The following HECW1 variants were observed in gnomAD, a reference collection of about 807,000 sequenced individuals.
HECW1 encodes HECT, C2 and WW domain containing E3 ubiquitin protein ligase 1.
Under a neutral mutation model 182.3 loss-of-function variants are expected in HECW1, and 61 were observed. The observed-to-expected ratio is 0.33, with a 90% CI of 0.27 to 0.41. HECW1 has a LOEUF of 0.41. Among genes scored for constraint, HECW1 ranks in the 10% least tolerant of loss-of-function variants. The pLI, the probability that HECW1 is intolerant of heterozygous loss-of-function variation, is 1.00. For missense variants in HECW1, 1,739 were observed against 2,108.9 expected, an observed-to-expected ratio of 0.82 and a Z score of 3.44; for synonymous variants, 859 against 832.6, an observed-to-expected ratio of 1.03 and a Z score of -0.55.
intron 8 of HECW1, among the ~76,000 whole-genome samples, chr7:43,435,072 T>G (rs2076668656): frequency 6.6e-6 from 1 of 151,824 alleles, no homozygotes; most frequent in Non-Finnish European, 1.5e-5. Context: ...ATTTGTCCTG[T>G]TTGTGTTACT....
chr7:43,542,055 C>T (rs2081380190), intron 26 of HECW1, 57 bp downstream of exon 26: 1 of 1,383,816 alleles, frequency 7.2e-7, no homozygotes, highest in Non-Finnish European at 9.5e-7. Flanking sequence ...GGAAAATGCA[C>T]ATAACATAAA....
chr7:43,429,313 T>TAC (rs2076463630), intron 8 of HECW1, among the ~76,000 whole-genome samples: 2 of 127,788 alleles, frequency 1.6e-5, no homozygotes, highest in African/African-American at 3.5e-5. Flanking sequence ...TATATATATA[T>TAC]ATATATATAT....
intron 6 of HECW1, among the ~76,000 whole-genome samples, chr7:43,364,714 G>A (rs1238685329): frequency 6.6e-6 from 1 of 152,198 alleles, no homozygotes; most frequent in Non-Finnish European, 1.5e-5. Flanking sequence ...AGTTGTCTTA[G>A]GTTTAAAGAA....
At chr7:43,360,037 A>G (rs1263293597) in intron 5 of HECW1, among the ~76,000 whole-genome samples, 1 of 152,168 alleles carries the variant, frequency 6.6e-6, no homozygotes, top group Non-Finnish European at 1.5e-5. Flanking sequence ...TTTACTGAGC[A>G]CTTAATTGAA....
chr7:43,486,755 A>G (rs186623837), intron 17 of HECW1, among the ~76,000 whole-genome samples: 23 of 152,336 alleles, frequency 1.5e-4, no homozygotes, highest in Admixed American at 1.5e-3. Context: ...ACATCACTGT[A>G]TGAACAATAT....
intron 24 of HECW1, among the ~76,000 whole-genome samples, chr7:43,529,957 A>ATT (rs143618590): frequency 2.4e-4 from 35 of 148,222 alleles, no homozygotes; most frequent in Admixed American, 3.4e-4. Context: ...ATTTTTATTT[A>ATT]TTTTTTTTTT....
chr7:43,477,754 A>G (rs146324475), intron 16 of HECW1, among the ~76,000 whole-genome samples: 1 of 152,314 alleles, frequency 6.6e-6, no homozygotes, highest in East Asian at 1.9e-4. Flanking sequence ...CACTTCCTGT[A>G]TGAGTTTTTA....
At chr7:43,226,599 C>A (rs77500146) in intron 2 of HECW1, among the ~76,000 whole-genome samples, 233 of 152,250 alleles carry the variant, frequency 1.5e-3, no homozygotes, top group African/African-American at 5.4e-3. Flanking sequence ...CAGACCAAAC[C>A]ATTAGGGTCT....
chr7:43,561,666 C>G, intron 29 of HECW1, 149 bp from the exon 30 acceptor site: 1 of 593,580 alleles, frequency 1.7e-6, no homozygotes, highest in South Asian at 2.1e-5. Context: ...GAATGTGGCT[C>G]TTTAGTGTGC....
At chr7:43,144,187 T>C (rs572027999) in intron 2 of HECW1, among the ~76,000 whole-genome samples, 1 of 152,330 alleles carries the variant, frequency 6.6e-6, no homozygotes, top group Admixed American at 6.5e-5. Context: ...TGTTCCTTCA[T>C]TGGGACTTTT....
chr7:43,432,302 G>A lies in HECW1; in HGVS notation c.802-5701G>A, dbSNP rs1156889001. On this transcript the variant is annotated intron_variant, in intron 8 of 29. Coordinates refer to ENST00000395891, the MANE Select transcript of HECW1 (RefSeq NM_015052.5). This position sits in a 1 kb window ranked among gnomAD's most constrained non-coding sequence, Gnocchi z 4.1. ...CTACAGGCGCCCGCCACTACACCCG[G>A]CTAATTTTTTGTATTTTTAGTAGAG... 6.6e-6 allele frequency among the ~76,000 whole-genome samples: 1 copy of A among 151,524 alleles called. No homozygotes were observed. The highest frequency in any genetic ancestry group is 2.4e-5 in the African/African-American group (1 of 41,200).
intron 12 of HECW1, among the ~76,000 whole-genome samples, chr7:43,453,179 A>C (rs1405170018): frequency 6.6e-6 from 1 of 152,100 alleles, no homozygotes; most frequent in Non-Finnish European, 1.5e-5. Context: ...ATAAATTGGG[A>C]AGAGGAAGGA....
At chr7:43,451,521 A>G (rs1043827438) in intron 12 of HECW1, among the ~76,000 whole-genome samples, 1 of 152,226 alleles carries the variant, frequency 6.6e-6, no homozygotes, top group African/African-American at 2.4e-5. Context: ...ATTAATAATT[A>G]TCTAACTAGT....
At chr7:43,327,312 T>A (rs888106218) in intron 5 of HECW1, among the ~76,000 whole-genome samples, 1 of 152,156 alleles carries the variant, frequency 6.6e-6, no homozygotes, top group Non-Finnish European at 1.5e-5. Context: ...TGCCATCTGA[T>A]TTTTTTATAG....
At chr7:43,182,934 T>C (rs1277826873) in intron 2 of HECW1, among the ~76,000 whole-genome samples, 8 of 151,256 alleles carry the variant, frequency 5.3e-5, no homozygotes, top group Non-Finnish European at 7.4e-5. Context: ...GATTTTTTTT[T>C]GGTAGCTATT....
intron 3 of HECW1, chr7:43,245,805 A>G (rs1799326540): frequency 6.6e-6 from 1 of 152,260 alleles, no homozygotes; most frequent in African/African-American, 2.4e-5. Flanking sequence ...GGAACCTGAA[A>G]GGACAGGATG....
intron 16 of HECW1, among the ~76,000 whole-genome samples, chr7:43,474,307 G>A (rs568080399): frequency 2.7e-4 from 41 of 152,162 alleles, no homozygotes; most frequent in African/African-American, 9.6e-4. Flanking sequence ...AAATTAGCTG[G>A]GCATGGTGGC....
rs4724220 is a variant in HECW1, at chr7:43,552,356, A to G, written c.4510+20A>G. 757,341 of 1,386,056 alleles carry G rather than the reference A, an allele frequency of 0.55. 207,707 individuals carry two copies. The highest frequency in any genetic ancestry group is 0.58 in the Non-Finnish European group (561,557 of 973,348). The allele number at this position is 1,386,056 out of a possible 1,614,324, so 85.9% of individuals were successfully genotyped here. ...GGGGAGGTGAGTGGGCAGGAGCTGTAATGATGCAATGATCACAAATAGAAC... is the reference window on the plus strand; with the variant it reads ...GGGGAGGTGAGTGGGCAGGAGCTGTGATGATGCAATGATCACAAATAGAAC... On this transcript the variant is annotated intron_variant, in intron 28 of 29. Transcript: ENST00000395891.
chr7:43,341,582 A>G (rs552045923), intron 5 of HECW1, among the ~76,000 whole-genome samples: 4 of 151,988 alleles, frequency 2.6e-5, no homozygotes, highest in East Asian at 3.9e-4. Context: ...TTAGAGAAGC[A>G]TGAGTTTATC....
Sources: allele counts gnomAD v4.1 joint callset (sites outside exome capture counted in the v4.1 genomes callset), GRCh38; gene constraint gnomAD v4.1.1; non-coding constraint Gnocchi (gnomAD v3.1); transcripts MANE v1.5; gene names NCBI Gene and HGNC (gene_info 2026-07-23, HGNC 2026-07-21).